The following PIR variants were observed in gnomAD, a reference collection of about 807,000 sequenced individuals.
The protein encoded by PIR is pirin, also known as pirin (iron-binding nuclear protein).
PIR carries 22 observed loss-of-function variants against 24.2 expected under a neutral mutation model. The observed-to-expected ratio is 0.91, with a 90% CI of 0.65 to 1.30. The LOEUF is 1.30. Ranked by LOEUF, PIR falls within the 50% of genes most tolerant of loss-of-function variation. PIR has a pLI of 0.00. For synonymous variants in PIR, 80 were observed against 79.6 expected, an observed-to-expected ratio of 1.00 and a Z score of -0.03; for missense variants, 220 against 220.3, an observed-to-expected ratio of 1.00 and a Z score of 0.01.
At chrX:15,434,478 G>GGGAGAA (rs1443047573) in intron 5 of PIR, among the ~76,000 whole-genome samples, 2 of 109,998 alleles carry the variant, frequency 1.8e-5, no homozygotes, top group Admixed American at 1.9e-4. Context: ...GAGAGGGAGA[G>GGGAGAA]GGAGAAGGAG....
At chrX:15,416,089 A>T (rs1321851056) in intron 6 of PIR, among the ~76,000 whole-genome samples, 1 of 111,883 alleles carries the variant, frequency 8.9e-6, no homozygotes, top group Non-Finnish European at 1.9e-5. Context: ...AACCCAGTCA[A>T]AGGAAAATGA....
At chrX:15,470,153 T>C (rs754547314) in intron 3 of PIR, among the ~76,000 whole-genome samples, 9 of 112,076 alleles carry the variant, frequency 8.0e-5, no homozygotes, top group Non-Finnish European at 1.5e-4. Context: ...AATCTTGCTC[T>C]GTATGGCCTG....
At chrX:15,400,745 TTATA>T (rs1393635288) in intron 7 of PIR, among the ~76,000 whole-genome samples, 18 of 105,917 alleles carry the variant, frequency 1.7e-4, no homozygotes, top group Non-Finnish European at 2.9e-4. Context: ...ATTTATTTAT[TTATA>T]TATTTATTTA....
chrX:15,426,850 T>A (rs755110702), intron 5 of PIR, among the ~76,000 whole-genome samples: 1 of 111,893 alleles, frequency 8.9e-6, no homozygotes, highest in Admixed American at 9.5e-5. Flanking sequence ...CACAGACGAA[T>A]ATATGCATAA....
chrX:15,432,657 A>C (rs1197633229), intron 5 of PIR, among the ~76,000 whole-genome samples: 1 of 112,225 alleles, frequency 8.9e-6, no homozygotes, highest in Non-Finnish European at 1.9e-5. Flanking sequence ...TATAGGCCAT[A>C]GTATGGCATT....
Position 15,417,410 on chromosome X carries a change from T to C in PIR, c.565+8496A>G, listed in dbSNP as rs149599197. ...AGATTTATTTAAATGTATACTAATG[T>C]GACTTACCAAGTAGCTACTGTATGT... On this transcript the variant is annotated intron_variant, in intron 6 of 9. Transcript: ENST00000380420. 6.4e-3 allele frequency among the ~76,000 whole-genome samples: 720 copies of C among 112,590 alleles called. 7 individuals carry two copies. The highest frequency in any genetic ancestry group is 0.022 in the African/African-American group (684 of 31,018).
intron 2 of PIR, among the ~76,000 whole-genome samples, chrX:15,485,912 T>C (rs1922783197): frequency 8.9e-6 from 1 of 112,136 alleles, no homozygotes; most frequent in Non-Finnish European, 1.9e-5. Context: ...AGTCCCCAAC[T>C]CATTCACATC....
rs1231134132 is a variant in PIR at position 15,387,063 on chromosome X, CTTTTCTTTTCTTTTTTTTT to C, written c.761-1966_761-1948del. On this transcript the variant is annotated intron_variant, in intron 9 of 9. Coordinates refer to ENST00000380420, the MANE Select transcript of PIR (RefSeq NM_001018109.3). Reference sequence around the variant, plus strand: ...TCTGGATATTTTTTGTTTTGTTTTTCTTTTCTTTTCTTTTTTTTTTTTTTTTTTTTTTTTTTTTTTTTTG... The same window carrying C: ...TCTGGATATTTTTTGTTTTGTTTTTCTTTTTTTTTTTTTTTTTTTTTTTTG... Among the ~76,000 whole-genome samples, 52 of 23,015 alleles carry C rather than the reference CTTTTCTTTTCTTTTTTTTT, an allele frequency of 2.3e-3. 1 individual carries two copies. The highest frequency in any genetic ancestry group is 6.3e-3 in the African/African-American group (49 of 7,797). 20.0% of individuals were successfully genotyped at this position (23,015 alleles called of 115,157 possible).
intron 6 of PIR, among the ~76,000 whole-genome samples, chrX:15,423,739 T>C (rs942269417): frequency 9.0e-6 from 1 of 111,064 alleles, no homozygotes; most frequent in Non-Finnish European, 1.9e-5. Flanking sequence ...CAAAAAGAAA[T>C]CCAATTTAAA....
chrX:15,402,589 C>A (rs1028232422), intron 7 of PIR, among the ~76,000 whole-genome samples: 1 of 111,372 alleles, frequency 9.0e-6, no homozygotes, highest in Admixed American at 9.6e-5. Context: ...ACTATAGTCA[C>A]CATGTTGTAA....
At chrX:15,449,156 G>C (rs892613109) in intron 5 of PIR, among the ~76,000 whole-genome samples, 6 of 112,058 alleles carry the variant, frequency 5.4e-5, no homozygotes, top group African/African-American at 1.9e-4. Flanking sequence ...GCACCAAAGA[G>C]AGGGGACCTG....
At chrX:15,395,906 G>A (rs1222295925) in intron 8 of PIR, among the ~76,000 whole-genome samples, 1 of 112,073 alleles carries the variant, frequency 8.9e-6, no homozygotes, top group Non-Finnish European at 1.9e-5. Flanking sequence ...CTGGAGCCAG[G>A]AGTGCTGCTT....
intron 8 of PIR, among the ~76,000 whole-genome samples, chrX:15,395,261 T>G (rs1924091637): frequency 9.0e-6 from 1 of 111,575 alleles, no homozygotes; most frequent in African/African-American, 3.3e-5. Flanking sequence ...TTAGGTAACA[T>G]GCATGTGGTA....
chrX:15,386,626 A>C (rs1045830592), intron 9 of PIR, among the ~76,000 whole-genome samples: 8 of 111,953 alleles, frequency 7.1e-5, no homozygotes, highest in African/African-American at 2.6e-4. Context: ...GAGGAGGAGA[A>C]ATCCAGGAAA....
chrX:15,457,268 A>C (rs771244303), intron 4 of PIR, among the ~76,000 whole-genome samples: 4 of 111,273 alleles, frequency 3.6e-5, no homozygotes, highest in African/African-American at 3.3e-5. Flanking sequence ...TGGTCTGCCC[A>C]CATATGGTCA....
chrX:15,422,721 G>A lies in PIR; in HGVS notation c.565+3185C>T, dbSNP rs111431524. On this transcript the variant is annotated intron_variant, in intron 6 of 9. Coordinates refer to ENST00000380420, the MANE Select transcript of PIR (RefSeq NM_001018109.3). ...GAAAGCTATTCTGTGCTCATGGATT[G>A]GAAGAATTAATATCATTAAAATGAC... Among the ~76,000 whole-genome samples, 614 of 111,810 alleles carry A rather than the reference G, an allele frequency of 5.5e-3. 5 individuals carry two copies. The highest frequency in any genetic ancestry group is 0.019 in the African/African-American group (573 of 30,791).
intron 5 of PIR, among the ~76,000 whole-genome samples, chrX:15,443,675 C>T (rs1188681170): frequency 1.8e-5 from 2 of 111,765 alleles, no homozygotes; most frequent in Non-Finnish European, 3.8e-5. Flanking sequence ...GGATTCACTG[C>T]TCTAGATGCC....
At chrX:15,433,108 G>T (rs1925564817) in intron 5 of PIR, among the ~76,000 whole-genome samples, 2 of 112,548 alleles carry the variant, frequency 1.8e-5, no homozygotes, top group Admixed American at 9.4e-5. Flanking sequence ...TGGCAGATAT[G>T]AATCTACATA....
At chrX:15,461,128 G>A (rs1921281930) in intron 3 of PIR, among the ~76,000 whole-genome samples, 1 of 111,610 alleles carries the variant, frequency 9.0e-6, no homozygotes, top group Non-Finnish European at 1.9e-5. Flanking sequence ...GCAGATGATG[G>A]TCCTGGCATG....
Sources: allele counts gnomAD v4.1 joint callset (sites outside exome capture counted in the v4.1 genomes callset), GRCh38; gene constraint gnomAD v4.1.1; transcripts MANE v1.5; gene names NCBI Gene and HGNC (gene_info 2026-07-23, HGNC 2026-07-21).